The following C2orf92 variants were observed in gnomAD, a reference collection of about 807,000 sequenced individuals.
C2orf92 encodes the protein uncharacterized protein C2orf92.
At chr2:97,701,508 A>G (rs1436228609) in intron 7 of C2orf92, among the ~76,000 whole-genome samples, 1 of 152,186 alleles carries the variant, frequency 6.6e-6, no homozygotes, top group Non-Finnish European at 1.5e-5. Context: ...ATTCTGATGC[A>G]CAGCCGGGTT....
At chr2:97,695,458 C>T (rs1676277739) in intron 5 of C2orf92, among the ~76,000 whole-genome samples, 1 of 151,992 alleles carries the variant, frequency 6.6e-6, no homozygotes, top group Non-Finnish European at 1.5e-5. Context: ...TGTGGTCTGC[C>T]CAGGAATGTA....
At chr2:97,687,346 G>A (rs1378404514) in intron 3 of C2orf92, among the ~76,000 whole-genome samples, 1 of 152,204 alleles carries the variant, frequency 6.6e-6, no homozygotes, top group East Asian at 1.9e-4. Context: ...CAGCTTGGGT[G>A]ACACAGCGAG....
At chr2:97,698,480 T>G (rs1676381845) in intron 5 of C2orf92, among the ~76,000 whole-genome samples, 1 of 152,270 alleles carries the variant, frequency 6.6e-6, no homozygotes, top group Non-Finnish European at 1.5e-5. Flanking sequence ...TTAATTTTCC[T>G]ATCTTGTCCT....
chr2:97,685,888 A>G (rs1400668421), intron 3 of C2orf92, among the ~76,000 whole-genome samples: 2 of 152,152 alleles, frequency 1.3e-5, no homozygotes, highest in African/African-American at 4.8e-5. Context: ...TTAAAAAGAA[A>G]AATAACAGAT....
Position 97,675,946 on chromosome 2 carries a change from A to G in C2orf92, c.232+18A>G, listed in dbSNP as rs1010919047. On this transcript the variant is annotated intron_variant, in intron 3 of 7. Transcript: ENST00000627399. ...AATATTTGGTAAGTAGCCTCCTGCT[A>G]TGAAGCCTTTAGCCTGTGTTTGAAG... 9 of 398,514 alleles carry G rather than the reference A, an allele frequency of 2.3e-5. No homozygotes were observed. Among genetic ancestry groups the G allele is most frequent in the Admixed American group, 8.8e-5 (2 of 22,722 alleles). 24.7% of individuals were successfully genotyped at this position (398,514 alleles called of 1,614,324 possible).
rs1456543359 is a variant in C2orf92 at position 97,701,134 on chromosome 2, C to T, written c.515-20C>T. The T allele has an allele frequency of 1.8e-5, 7 of 398,702 alleles. No homozygotes were observed. The highest frequency in any genetic ancestry group is 3.6e-5 in the East Asian group (1 of 28,084). 24.7% of individuals were successfully genotyped at this position (398,702 alleles called of 1,614,324 possible). A position where few individuals can be genotyped will look rare whatever the true frequency, so the allele number is the denominator to read the frequency against. On this transcript the variant is annotated intron_variant, in intron 6 of 7. Coordinates refer to ENST00000627399, the MANE Select transcript of C2orf92 (RefSeq NM_001351368.2). ...CCGGTGGGTATCTCTGTTCACTCTG[C>T]GCTGTGTCTTCTCATTTAGATGCTC... is the stretch of plus-strand genomic sequence containing the variant.
chr2:97,695,965 C>G (rs1676295477), intron 5 of C2orf92, among the ~76,000 whole-genome samples: 1 of 152,040 alleles, frequency 6.6e-6, no homozygotes, highest in Non-Finnish European at 1.5e-5. Context: ...GCTCAGAGTC[C>G]CCCATGAGGT....
At chr2:97,669,945 C>T (rs1675356608) in intron 1 of C2orf92, 111 bp downstream of exon 1, 1 of 397,412 alleles carries the variant, frequency 2.5e-6, no homozygotes, top group African/African-American at 2.1e-5. Flanking sequence ...TTTACCTACT[C>T]TACCTTCTAT....
chr2:97,692,894 T>A (rs1676184864), intron 5 of C2orf92, among the ~76,000 whole-genome samples: 1 of 152,230 alleles, frequency 6.6e-6, no homozygotes, highest in South Asian at 2.1e-4. Flanking sequence ...ATAGGACTAA[T>A]ATGAATGAGA....
intron 3 of C2orf92, among the ~76,000 whole-genome samples, chr2:97,682,780 C>A (rs1296253594): frequency 4.7e-5 from 7 of 149,542 alleles, no homozygotes; most frequent in East Asian, 2.0e-4. Context: ...AAAAAAAAAA[C>A]CAAAACACTC....
At chr2:97,674,064 C>T (rs891164534) in intron 1 of C2orf92, 6 of 162,394 alleles carry the variant, frequency 3.7e-5, no homozygotes, top group Middle Eastern at 3.0e-3. Flanking sequence ...GTTTATTTTC[C>T]TTCTGTCATA....
intron 3 of C2orf92, among the ~76,000 whole-genome samples, chr2:97,679,837 C>CAAAAAAAAAAA (rs55696146): frequency 1.1e-5 from 1 of 94,722 alleles, no homozygotes; most frequent in Non-Finnish European, 1.9e-5. Context: ...AACTCTATCT[C>CAAAAAAAAAAA]AAAAAAAAAA....
chr2:97,698,521 G>A (rs570237193), intron 5 of C2orf92, among the ~76,000 whole-genome samples: 2 of 152,110 alleles, frequency 1.3e-5, no homozygotes, highest in Admixed American at 1.3e-4. Context: ...ATAGTACTTC[G>A]TGTTTTAAAA....
At chr2:97,689,209 T>C (rs1676053998) in intron 4 of C2orf92, among the ~76,000 whole-genome samples, 1 of 152,192 alleles carries the variant, frequency 6.6e-6, no homozygotes, top group African/African-American at 2.4e-5. Context: ...CCCTGTATTT[T>C]GGGGTGATCC....
At chr2:97,682,407 TC>T (rs1675805204) in intron 3 of C2orf92, among the ~76,000 whole-genome samples, 1 of 152,178 alleles carries the variant, frequency 6.6e-6, no homozygotes, top group Non-Finnish European at 1.5e-5. Flanking sequence ...ACACCAGTCC[TC>T]AAACCCTTCC....
At chr2:97,695,942 CAGGGTAGTTCTGGCTCAG>C (rs1224128005) in intron 5 of C2orf92, among the ~76,000 whole-genome samples, 1 of 152,096 alleles carries the variant, frequency 6.6e-6, no homozygotes, top group African/African-American at 2.4e-5. Flanking sequence ...ACAGGTTTAG[CAGGGTAGTTCTGGCTCAG>C]AGTCCCCCAT....
At chr2:97,680,018 G>A (rs1056363088) in intron 3 of C2orf92, among the ~76,000 whole-genome samples, 7 of 152,184 alleles carry the variant, frequency 4.6e-5, no homozygotes, top group African/African-American at 1.2e-4. Flanking sequence ...ATAGCAAAAT[G>A]GCTGAGCCTG....
upstream of C2orf92, among the ~76,000 whole-genome samples, chr2:97,667,269 T>C (rs867359756): frequency 5.7e-3 from 99 of 17,346 alleles, no homozygotes; most frequent in Middle Eastern, 0.12. Context: ...CTCTTTTTTA[T>C]TTTTTTTTTT....
chr2:97,665,006 C>T (rs1675159764), upstream of C2orf92, among the ~76,000 whole-genome samples: 1 of 152,230 alleles, frequency 6.6e-6, no homozygotes, highest in African/African-American at 2.4e-5. Context: ...GCCCACTTTA[C>T]ATAAGTTATA....
Sources: allele counts gnomAD v4.1 joint callset (sites outside exome capture counted in the v4.1 genomes callset), GRCh38; gene constraint gnomAD v4.1.1; transcripts MANE v1.5; gene names NCBI Gene and HGNC (gene_info 2026-07-23, HGNC 2026-07-21).